Variants in TNNT2 observed in about 807,000 individuals in gnomAD.
TNNT2 encodes troponin T2, cardiac type, also known as troponin T, cardiac muscle.
In TNNT2, 34 loss-of-function variants were observed where a neutral mutation model predicts 62.4. The ratio of observed to expected loss-of-function variants is 0.54; its 90% confidence interval spans 0.41 to 0.72. TNNT2 has a LOEUF of 0.72. Ranked by LOEUF, TNNT2 falls within the 30% of genes least tolerant of loss-of-function variation. The pLI, the probability that TNNT2 is intolerant of heterozygous loss-of-function variation, is 0.00. For missense variants in TNNT2, 275 were observed against 381.9 expected, an observed-to-expected ratio of 0.72 and a Z score of 2.33; for synonymous variants, 123 against 127.2, an observed-to-expected ratio of 0.97 and a Z score of 0.22.
intron 6 of TNNT2, 63 bp downstream of exon 6, chr1:201,368,099 A>G: frequency 6.5e-7 from 1 of 1,547,312 alleles, no homozygotes; most frequent in East Asian, 2.2e-5. Context: ...TTACTGCCTC[A>G]GGAATGGCTC....
intron 13 of TNNT2, 149 bp from the exon 14 acceptor site, chr1:201,362,171 A>G (rs1362626134): frequency 1.5e-5 from 17 of 1,159,964 alleles, no homozygotes; most frequent in Non-Finnish European, 2.2e-5. Context: ...ACTACCAACT[A>G]CATGTATTCC....
intron 5 of TNNT2, chr1:201,369,443 G>A: frequency 4.1e-6 from 2 of 483,748 alleles, no homozygotes; most frequent in Non-Finnish European, 8.5e-6. Flanking sequence ...AGCTCCTAAG[G>A]AGGGCCCAGC....
At chr1:201,368,315 T>C in intron 5 of TNNT2, 88 bp from the exon 6 acceptor site, 8 of 1,371,510 alleles carry the variant, frequency 5.8e-6, no homozygotes, top group Non-Finnish European at 8.2e-6. Context: ...CAGCGGGGAG[T>C]GGGGATGGGG....
At chr1:201,373,104 C>T in intron 2 of TNNT2, 110 bp downstream of exon 2, 3 of 1,120,384 alleles carry the variant, frequency 2.7e-6, no homozygotes, top group Non-Finnish European at 4.1e-6. Context: ...CCAAAACACA[C>T]ACAGCTACTT....
intron 4 of TNNT2, among the ~76,000 whole-genome samples, chr1:201,371,410 C>T (rs536670602): frequency 8.1e-4 from 124 of 152,254 alleles, no homozygotes; most frequent in African/African-American, 2.6e-3. Flanking sequence ...ATCTTCATGC[C>T]GAGATAAGAC....
At chr1:201,366,939 A>G (rs747077067) in intron 7 of TNNT2, 68 bp from the exon 8 acceptor site, 2 of 1,613,086 alleles carry the variant, frequency 1.2e-6, no homozygotes, top group African/African-American at 2.7e-5. Context: ...TCCGCCCTCG[A>G]TGAGCTAGAT....
At chr1:201,361,423 GC>G (rs1181887501) in intron 14 of TNNT2, 54 bp from the exon 15 acceptor site, 1 of 1,497,980 alleles carries the variant, frequency 6.7e-7, no homozygotes, top group African/African-American at 1.4e-5. Context: ...GCCCTCCTGG[GC>G]CTCCGTCCTG....
At chr1:201,365,936 A>T (rs1386416746) in intron 8 of TNNT2, 4 of 1,312,612 alleles carry the variant, frequency 3.0e-6, no homozygotes, top group Non-Finnish European at 3.9e-6. Context: ...CTCACTTAGG[A>T]GAACTGAGGC....
chr1:201,369,199 T>C (rs1436677877), intron 5 of TNNT2: 15 of 443,890 alleles, frequency 3.4e-5, no homozygotes, highest in Non-Finnish European at 5.3e-5. Context: ...GCTTACTGCC[T>C]CCCCAACCCA....
At chr1:201,369,726 C>A (rs985566957) in intron 5 of TNNT2, 90 bp downstream of exon 5, 3 of 1,560,302 alleles carry the variant, frequency 1.9e-6, no homozygotes, top group African/African-American at 1.4e-5. Flanking sequence ...ACTCACACCC[C>A]CCAGCCCCCA....
chr1:201,359,208 C>T lies in TNNT2; in HGVS notation c.*2G>A, dbSNP rs1449258380. On this transcript the variant is annotated 3_prime_UTR_variant, in exon 17 of 17. Coordinates refer to ENST00000656932, the MANE Select transcript of TNNT2 (RefSeq NM_001276345.2). ...CAGATCTTTGGTGAAGGAGGCCAGGCTCTATTTCCAGCGCCCGGTGACTTT... is the reference window on the plus strand; with the variant it reads ...CAGATCTTTGGTGAAGGAGGCCAGGTTCTATTTCCAGCGCCCGGTGACTTT... The T allele has an allele frequency of 4.3e-6, 7 of 1,609,380 alleles. No individual in the cohort carries two copies. Among genetic ancestry groups the T allele is most frequent in the Non-Finnish European group, 5.1e-6 (6 of 1,178,580 alleles).
chr1:201,362,318 G>T (rs374006913), intron 13 of TNNT2, 68 bp downstream of exon 13: 1 of 1,596,966 alleles, frequency 6.3e-7, no homozygotes. Flanking sequence ...CCAGCAAGGC[G>T]CCTTCCCCTC....
Position 201,359,695 on chromosome 1 carries a change from C to T in TNNT2, c.811-32G>A, listed in dbSNP as rs752947789. On this transcript the variant is annotated intron_variant, in intron 15 of 16. Transcript: ENST00000656932. ...GAAAAGTGGGAAGGACAAAGAGCAA[C>T]GCTGGAGCTGACTGGCTCAGGTCCC... 19 of 1,572,398 alleles carry T rather than the reference C, an allele frequency of 1.2e-5. 1 individual carries two copies. In the South Asian group the frequency reaches 1.3e-4, roughly 11 times the overall value.
chr1:201,372,041 T>G lies in TNNT2; in HGVS notation c.53A>C (p.Glu18Ala). The G allele has an allele frequency of 6.4e-7, 1 of 1,565,532 alleles. No individual in the cohort carries two copies. Among genetic ancestry groups the G allele is most frequent in the Non-Finnish European group, 8.7e-7 (1 of 1,153,654 alleles). ...VEEYEEEEQE[E>A]AAVEEEEDWR... The stretch of plus-strand genomic sequence containing the variant: ...GAGGCACATACCTTCAACAGCTGCT[T>G]CTGCTCAGAAGAGAAGTCCAGGCAG... The change falls in exon 4 of 17, where the codon GAA becomes GCA. Residue 18 changes from glutamate (E) to alanine (A), a missense_variant and splice_region_variant. Coordinates refer to ENST00000656932, the MANE Select transcript of TNNT2 (RefSeq NM_001276345.2).
At chr1:201,373,596 C>G in intron 1 of TNNT2, 2 of 405,652 alleles carry the variant, frequency 4.9e-6, no homozygotes, top group South Asian at 2.1e-5. Context: ...TGCCCACCCC[C>G]ACTCCACAGG....
At position 201,369,849 on chromosome 1, in the gene TNNT2, A is replaced by C. The variant is rs750301957; in HGVS notation, c.68-4T>G. The C allele has an allele frequency of 1.2e-6, 2 of 1,613,514 alleles. No individual in the cohort carries two copies. Among genetic ancestry groups the C allele is most frequent in the Non-Finnish European group, 1.7e-6 (2 of 1,179,984 alleles). On this transcript the variant is annotated splice_polypyrimidine_tract_variant and splice_region_variant and intron_variant, in intron 4 of 16. Transcript: ENST00000656932. ...TCCTCTCTCCAGTCCTCCTCTTCTGAGGTTCAGGGAGTGGCCGCAGCGGAG... is the reference window on the plus strand; with the variant it reads ...TCCTCTCTCCAGTCCTCCTCTTCTGCGGTTCAGGGAGTGGCCGCAGCGGAG...
chr1:201,370,870 T>C (rs1462966492), intron 4 of TNNT2, among the ~76,000 whole-genome samples: 1 of 152,274 alleles, frequency 6.6e-6, no homozygotes, highest in Non-Finnish European at 1.5e-5. Context: ...ATCAAGAGTC[T>C]GTTCAGGGAA....
intron 5 of TNNT2, 77 bp downstream of exon 5, chr1:201,369,739 A>C: frequency 6.3e-7 from 1 of 1,592,418 alleles, no homozygotes; most frequent in Non-Finnish European, 8.6e-7. Context: ...AGCCCCCAGA[A>C]CAGGGCCCCT....
intron 12 of TNNT2, 44 bp downstream of exon 12, chr1:201,363,252 G>A: frequency 1.2e-6 from 2 of 1,612,164 alleles, no homozygotes; most frequent in East Asian, 2.2e-5. Context: ...ATTCCTCAGG[G>A]CTATACTAGG....
Sources: allele counts gnomAD v4.1 joint callset (sites outside exome capture counted in the v4.1 genomes callset), GRCh38; gene constraint gnomAD v4.1.1; transcripts MANE v1.5; gene names NCBI Gene and HGNC (gene_info 2026-07-23, HGNC 2026-07-21).